SPTLC1: variants seen among roughly 807,000 people sequenced by gnomAD.
SPTLC1 encodes serine palmitoyltransferase 1.
A neutral mutation model predicts 68.9 loss-of-function variants in SPTLC1; 55 were observed. The observed-to-expected ratio is 0.80, with a 90% CI of 0.64 to 1.00. SPTLC1 has a LOEUF of 1.00. SPTLC1 is among the 50% of genes least tolerant of loss of function. SPTLC1 has a pLI of 0.00. For synonymous variants in SPTLC1, 197 were observed against 201.6 expected (o/e 0.98, Z 0.19); for missense variants, 449 against 573.1 (o/e 0.78, Z 2.21).
chr9:92,108,442 G>A (rs1836086661), intron 3 of SPTLC1: 1 of 355,764 alleles, frequency 2.8e-6, no homozygotes, highest in Non-Finnish European at 5.5e-6. Flanking sequence ...ATAACCAGAT[G>A]GGTAAAAAGC....
chr9:92,041,996 C>G (rs1833366290), intron 12 of SPTLC1, among the ~76,000 whole-genome samples: 1 of 152,104 alleles, frequency 6.6e-6, no homozygotes, highest in Non-Finnish European at 1.5e-5. Flanking sequence ...AAGGTGAAGG[C>G]AGGAGGATTG....
chr9:92,071,254 G>C (rs1834477221), intron 5 of SPTLC1, among the ~76,000 whole-genome samples: 2 of 145,194 alleles, frequency 1.4e-5, no homozygotes, highest in Admixed American at 1.4e-4. Context: ...AAAAAAATTA[G>C]TTGGGCATGG....
chr9:92,088,137 G>A (rs1835226216), intron 3 of SPTLC1, among the ~76,000 whole-genome samples: 1 of 152,182 alleles, frequency 6.6e-6, no homozygotes, highest in Non-Finnish European at 1.5e-5. Flanking sequence ...CAATTTTTCA[G>A]GTGCCGTCTG....
At chr9:92,106,540 C>T (rs2118816640) in intron 3 of SPTLC1, among the ~76,000 whole-genome samples, 1 of 152,020 alleles carries the variant, frequency 6.6e-6, no homozygotes. Flanking sequence ...CCTGCTGTCT[C>T]CACACCTGCT....
At chr9:92,090,520 G>A (rs1249718011) in intron 3 of SPTLC1, among the ~76,000 whole-genome samples, 1 of 151,990 alleles carries the variant, frequency 6.6e-6, no homozygotes, top group Non-Finnish European at 1.5e-5. Context: ...GCGGAGGCAG[G>A]AGAATCCCTT....
At chr9:92,033,886 G>C (rs1449569515) in intron 14 of SPTLC1, among the ~76,000 whole-genome samples, 1 of 152,184 alleles carries the variant, frequency 6.6e-6, no homozygotes, top group Non-Finnish European at 1.5e-5. Context: ...GCTGCTACCA[G>C]AGTGATCTTC....
intron 5 of SPTLC1, among the ~76,000 whole-genome samples, chr9:92,072,671 G>GT (rs905406906): frequency 2.1e-4 from 31 of 150,958 alleles, no homozygotes; most frequent in African/African-American, 7.5e-4. Flanking sequence ...TTTTTTTTCT[G>GT]TAACACGGCC....
intron 8 of SPTLC1, 87 bp downstream of exon 8, chr9:92,055,318 C>T: frequency 7.5e-6 from 12 of 1,592,470 alleles, no homozygotes; most frequent in South Asian, 2.2e-5. Flanking sequence ...GCAACGCAGA[C>T]GTTATACACT....
intron 3 of SPTLC1, among the ~76,000 whole-genome samples, chr9:92,083,914 C>T (rs1327465278): frequency 3.3e-5 from 5 of 152,128 alleles, no homozygotes; most frequent in African/African-American, 9.7e-5. Context: ...TCTTTTATTT[C>T]CTTGAGCAGT....
In SPTLC1 at chr9:92,108,789, G is replaced by C. The variant is rs1836105349; in HGVS notation, c.211C>G (p.Pro71Ala). 6.2e-7 allele frequency: 1 copy of C among 1,605,310 alleles called. No individual in the cohort carries two copies. The highest frequency in any genetic ancestry group is 1.7e-5 in the Admixed American group (1 of 59,466). ...GCAGGATGGTCTTTTGGGACAGGAG[G>C]AACAAGAGGTTCTGGTTGCCACTCT... ...IEEWQPEPLV[P>A]PVPKDHPALN... The change falls in exon 3 of 15, where the codon CCT becomes GCT. Residue 71 changes from proline (P) to alanine (A), a missense_variant. Physicochemically the swap from Pro to Ala is conservative, Grantham distance 27. Transcript: ENST00000262554.
chr9:92,085,663 T>C (rs1272762072), intron 3 of SPTLC1, among the ~76,000 whole-genome samples: 1 of 151,326 alleles, frequency 6.6e-6, no homozygotes, highest in African/African-American at 2.4e-5. Flanking sequence ...TACTTCCAAC[T>C]ATGTGGTCAA....
At chr9:92,059,109 C>T in intron 7 of SPTLC1, 70 bp downstream of exon 7, 1 of 1,551,528 alleles carries the variant, frequency 6.4e-7, no homozygotes, top group South Asian at 1.1e-5. Context: ...GACAAATTAC[C>T]ATTTCATATA....
intron 7 of SPTLC1, among the ~76,000 whole-genome samples, chr9:92,056,746 T>C (rs1833904294): frequency 6.6e-6 from 1 of 152,124 alleles, no homozygotes; most frequent in South Asian, 2.1e-4. Context: ...TTAGAAAGTA[T>C]CAGAGCAATG....
intron 5 of SPTLC1, chr9:92,079,700 G>T: frequency 2.5e-6 from 2 of 815,172 alleles, no homozygotes; most frequent in Non-Finnish European, 4.3e-6. Flanking sequence ...TCTCATCAGT[G>T]GACTGTGGGC....
intron 5 of SPTLC1, among the ~76,000 whole-genome samples, chr9:92,072,166 T>C (rs1834516930): frequency 6.6e-6 from 1 of 151,834 alleles, no homozygotes; most frequent in Non-Finnish European, 1.5e-5. Context: ...GGGAACTCTC[T>C]CTGGGAGACC....
At position 92,108,734 on chromosome 9, in the gene SPTLC1, A is replaced by G. The variant is rs762516707; in HGVS notation, c.260+6T>C. ...ACAAGTACTTCAGGTAGCAAAATCA[A>G]TTTACCCTGAAACGATGTTGTAGTT... is the stretch of plus-strand genomic sequence containing the variant. On this transcript the variant is annotated splice_donor_region_variant and intron_variant, in intron 3 of 14. Coordinates refer to ENST00000262554, the MANE Select transcript of SPTLC1 (RefSeq NM_006415.4). The G allele has an allele frequency of 3.7e-6, 6 of 1,602,718 alleles. No homozygotes were observed. In the East Asian group the frequency reaches 1.3e-4, roughly 36 times the overall value.
intron 3 of SPTLC1, chr9:92,104,973 T>G (rs1389753135): frequency 3.9e-6 from 6 of 1,532,858 alleles, no homozygotes; most frequent in Non-Finnish European, 8.7e-7. Flanking sequence ...CCTGACCCAC[T>G]TCCAACAGTG....
intron 5 of SPTLC1, chr9:92,079,255 T>C (rs1333181405): frequency 2.7e-5 from 15 of 557,780 alleles, no homozygotes; most frequent in Non-Finnish European, 2.7e-6. Context: ...TTTGTATTTT[T>C]AGTAGAGACG....
In SPTLC1 at chr9:92,087,745, C is replaced by T. The variant is rs975059347; in HGVS notation, c.261-6782G>A. Among the ~76,000 whole-genome samples the T allele has an allele frequency of 1.1e-4, 16 of 152,214 alleles. No homozygotes were observed. The South Asian group carries it at 1.5e-3, about 14-fold the overall frequency. On this transcript the variant is annotated intron_variant, in intron 3 of 14. Coordinates refer to ENST00000262554, the MANE Select transcript of SPTLC1 (RefSeq NM_006415.4). ...CTGCCCGTTCTCAGATCTCCAGCTG[C>T]GTGCTGGGAGAACCACTGCTCTCTT...
Sources: allele counts gnomAD v4.1 joint callset (sites outside exome capture counted in the v4.1 genomes callset), GRCh38; gene constraint gnomAD v4.1.1; transcripts MANE v1.5; gene names NCBI Gene and HGNC (gene_info 2026-07-23, HGNC 2026-07-21).